Variants in PPFIA2 observed in about 807,000 individuals in gnomAD.
The protein encoded by PPFIA2 is PPFI scaffold protein A2.
A neutral mutation model predicts 175.5 loss-of-function variants in PPFIA2; 46 were observed. That is an observed-to-expected ratio of 0.26 (90% CI 0.21 to 0.34). PPFIA2 has a LOEUF of 0.34. Among genes scored for constraint, PPFIA2 ranks in the 10% least tolerant of loss-of-function variants. The probability of loss-of-function intolerance (pLI) is 1.00; values close to 1 mark genes in which losing one functional copy is unlikely to be tolerated. For synonymous variants in PPFIA2, 568 were observed against 511.4 expected (o/e 1.11, Z -1.49); for missense variants, 1,179 against 1,506.1 (o/e 0.78, Z 3.60).
chr12:81,524,531 C>G (rs1183927680), intron 4 of PPFIA2, among the ~76,000 whole-genome samples: 1 of 152,182 alleles, frequency 6.6e-6, no homozygotes, highest in Non-Finnish European at 1.5e-5. Flanking sequence ...GCCTGTCCCA[C>G]CATTATATTT....
chr12:81,441,931 A>G (rs1384524030), intron 6 of PPFIA2, among the ~76,000 whole-genome samples: 1 of 152,150 alleles, frequency 6.6e-6, no homozygotes, highest in Non-Finnish European at 1.5e-5. Context: ...ATATTTTAAA[A>G]TATCAACACA....
At chr12:81,317,428 T>C (rs2052651308) in intron 22 of PPFIA2, among the ~76,000 whole-genome samples, 1 of 151,726 alleles carries the variant, frequency 6.6e-6, no homozygotes, top group South Asian at 2.1e-4. Context: ...TAACGGATTA[T>C]AGGAAGGCAA....
intron 7 of PPFIA2, among the ~76,000 whole-genome samples, chr12:81,435,754 ATCTCT>A (rs140856778): frequency 0.087 from 13,268 of 152,110 alleles, 808 homozygotes; most frequent in Middle Eastern, 0.16. Context: ...CACAATCTAA[ATCTCT>A]TCTCTTAATT....
intron 4 of PPFIA2, among the ~76,000 whole-genome samples, chr12:81,550,485 G>A (rs1237461274): frequency 6.6e-6 from 1 of 152,002 alleles, no homozygotes; most frequent in Non-Finnish European, 1.5e-5. Flanking sequence ...GGGGATTTAA[G>A]TGATATATTT....
At chr12:81,435,911 C>T (rs2144743875) in intron 7 of PPFIA2, among the ~76,000 whole-genome samples, 1 of 152,050 alleles carries the variant, frequency 6.6e-6, no homozygotes, top group Admixed American at 6.6e-5. Context: ...TTCAAGATGG[C>T]AATATGAACT....
At chr12:81,293,897 C>T (rs554572726) in intron 24 of PPFIA2, among the ~76,000 whole-genome samples, 1 of 152,092 alleles carries the variant, frequency 6.6e-6, no homozygotes, top group East Asian at 1.9e-4. Context: ...ATCTAAGTGT[C>T]CATCAGTGGA....
intron 4 of PPFIA2, among the ~76,000 whole-genome samples, chr12:81,605,022 TGTTATCAGCTTGGTGTTA>T (rs1340178967): frequency 2.5e-4 from 38 of 151,960 alleles, no homozygotes; most frequent in Admixed American, 5.3e-4. Context: ...CTGAAATGCA[TGTTATCAGCTTGGTGTTA>T]ATCAATGTTC....
At chr12:81,397,003 A>C (rs779672290) in intron 8 of PPFIA2, among the ~76,000 whole-genome samples, 4 of 152,044 alleles carry the variant, frequency 2.6e-5, no homozygotes, top group Non-Finnish European at 5.9e-5. Context: ...AGTTTTCATC[A>C]TGTAAACTGG....
chr12:81,614,034 T>C (rs1402129650), intron 4 of PPFIA2, among the ~76,000 whole-genome samples: 2 of 152,164 alleles, frequency 1.3e-5, no homozygotes, highest in African/African-American at 4.8e-5. Flanking sequence ...CAAGATATTC[T>C]AACCACCAAA....
rs1263941318 is a variant in PPFIA2 at position 81,266,962 on chromosome 12, C to T, written c.3545G>A (p.Arg1182Gln). The T allele has an allele frequency of 3.1e-6, 5 of 1,611,348 alleles. No homozygotes were observed. Among genetic ancestry groups the T allele is most frequent in the South Asian group, 1.1e-5 (1 of 90,908 alleles). The change falls in exon 30 of 33, where the codon CGA (arginine) becomes CAA (glutamine). Residue 1182 changes from arginine to glutamine, a missense_variant. By Grantham distance (43) the Arg-to-Gln change is conservative. This residue lies in a region of PPFIA2 where 245 missense variants were observed against 375.1 expected (regional missense o/e 0.65). Transcript: ENST00000549396. Reference sequence around the variant, plus strand: ...AACAGGTGGACTTACTTCATCCAGTCGCCTTTCAGTTCCCAGGGCCAAGAG... The same window carrying T: ...AACAGGTGGACTTACTTCATCCAGTTGCCTTTCAGTTCCCAGGGCCAAGAG... ...NNLLALGTERRLDESDDKNFR... is the reference protein window; with the variant it reads ...NNLLALGTERQLDESDDKNFR...
chr12:81,366,222 G>A (rs903056883), intron 14 of PPFIA2, among the ~76,000 whole-genome samples: 1 of 150,696 alleles, frequency 6.6e-6, no homozygotes, highest in Non-Finnish European at 1.5e-5. Context: ...AGATAAAATT[G>A]CTAACAATAA....
At chr12:81,286,009 A>T (rs1011651216) in intron 24 of PPFIA2, among the ~76,000 whole-genome samples, 1 of 152,006 alleles carries the variant, frequency 6.6e-6, no homozygotes, top group Admixed American at 6.6e-5. Flanking sequence ...AGACAGTGAT[A>T]CTGATGGTCC....
chr12:81,732,502 ATGT>A (rs1377138087), intron 3 of PPFIA2, among the ~76,000 whole-genome samples: 3 of 116,310 alleles, frequency 2.6e-5, no homozygotes, highest in Non-Finnish European at 3.9e-5. Context: ...AATATGGATG[ATGT>A]TTTTTTTTAA....
intron 4 of PPFIA2, among the ~76,000 whole-genome samples, chr12:81,658,102 C>G (rs758983283): frequency 2.0e-5 from 3 of 151,854 alleles, no homozygotes; most frequent in Non-Finnish European, 4.4e-5. Flanking sequence ...AATCCCATCT[C>G]TACTAAAAAT....
At chr12:81,738,881 T>C (rs184892665) in intron 3 of PPFIA2, among the ~76,000 whole-genome samples, 17 of 151,992 alleles carry the variant, frequency 1.1e-4, no homozygotes, top group African/African-American at 3.4e-4. Context: ...ATTAGAAATA[T>C]AGAAATGGCA....
Position 81,282,935 on chromosome 12 carries a change from A to G in PPFIA2, c.3018+75T>C, listed in dbSNP as rs951030202. 2.3e-6 allele frequency: 3 copies of G among 1,317,450 alleles called. No homozygotes were observed. The African/African-American group carries it at 4.4e-5, about 19-fold the overall frequency. 81.6% of individuals were successfully genotyped at this position (1,317,450 alleles called of 1,614,324 possible). Reference sequence around the variant, plus strand: ...GTGAAGGTTTACAATATTATGACTTATGACAGTTTCTTGATTTATATTCTC... The same window carrying G: ...GTGAAGGTTTACAATATTATGACTTGTGACAGTTTCTTGATTTATATTCTC... On this transcript the variant is annotated intron_variant, in intron 26 of 32. Coordinates refer to ENST00000549396, the MANE Select transcript of PPFIA2 (RefSeq NM_003625.5).
At chr12:81,603,353 G>A (rs774860239) in intron 4 of PPFIA2, among the ~76,000 whole-genome samples, 4 of 151,654 alleles carry the variant, frequency 2.6e-5, no homozygotes, top group Non-Finnish European at 4.4e-5. Context: ...CATATTTGAG[G>A]GGAAAAGAAG....
intron 4 of PPFIA2, among the ~76,000 whole-genome samples, chr12:81,639,368 C>T (rs1229013988): frequency 6.6e-6 from 1 of 151,840 alleles, no homozygotes; most frequent in Non-Finnish European, 1.5e-5. Context: ...AAAATAGAAA[C>T]TACAATAGAA....
At chr12:81,610,207 T>TA (rs34593621) in intron 4 of PPFIA2, among the ~76,000 whole-genome samples, 5 of 152,140 alleles carry the variant, frequency 3.3e-5, no homozygotes, top group South Asian at 2.1e-4. Flanking sequence ...ATTTTTTTGT[T>TA]AAAAAAATCT....
Sources: gnomAD v4.1 joint callset for allele counts (sites outside exome capture counted in the v4.1 genomes callset) on GRCh38, gnomAD v4.1.1 for gene constraint, gnomAD v4.1.1 regional missense constraint, MANE v1.5 for transcripts, NCBI Gene and HGNC (gene_info 2026-07-23, HGNC 2026-07-21) for gene names.